TGFBR1: variants seen among roughly 807,000 people sequenced by gnomAD.
TGFBR1 encodes the protein TGF-beta receptor type-1.
In TGFBR1, 20 loss-of-function variants were observed where a neutral mutation model predicts 55.1. That is an observed-to-expected ratio of 0.36 (90% confidence interval 0.26 to 0.53). The LOEUF (loss-of-function observed/expected upper bound fraction) is 0.53. Among genes scored for constraint, TGFBR1 ranks in the 20% least tolerant of loss-of-function variants. TGFBR1 has a pLI of 0.91. For missense variants in TGFBR1, 385 were observed against 617.6 expected, an observed-to-expected ratio of 0.62 and a Z score of 3.99; for synonymous variants, 220 against 214.8, an observed-to-expected ratio of 1.02 and a Z score of -0.21.
chr9:99,119,819 G>T (rs758777670), intron 1 of TGFBR1, among the ~76,000 whole-genome samples: 17 of 152,178 alleles, frequency 1.1e-4, no homozygotes, highest in Non-Finnish European at 2.2e-4. Context: ...GAATATTTAT[G>T]AAGGAGAAAG....
intron 1 of TGFBR1, among the ~76,000 whole-genome samples, chr9:99,127,383 G>A (rs768719422): frequency 2.6e-5 from 4 of 152,082 alleles, no homozygotes; most frequent in African/African-American, 9.7e-5. Context: ...TCTCCTACCC[G>A]GCCCCCCAGC....
chr9:99,129,195 T>C, intron 2 of TGFBR1, 95 bp downstream of exon 2: 4 of 1,382,296 alleles, frequency 2.9e-6, no homozygotes, highest in Non-Finnish European at 4.0e-6. Flanking sequence ...AATTGTCTAA[T>C]CCAGCTCATT....
chr9:99,116,700 T>C (rs1453749279), intron 1 of TGFBR1, among the ~76,000 whole-genome samples: 1 of 152,210 alleles, frequency 6.6e-6, no homozygotes, highest in Non-Finnish European at 1.5e-5. Context: ...GTAGCCATGA[T>C]GCTACTGTAT....
In TGFBR1 at chr9:99,105,173, C is replaced by A. The variant is rs1482586656; in HGVS notation, c.-33C>A. 1 of 1,085,404 alleles carries A rather than the reference C, an allele frequency of 9.2e-7. No homozygotes were observed. Among genetic ancestry groups the A allele is most frequent in the Non-Finnish European group, 1.1e-6 (1 of 894,662 alleles). 67.2% of individuals were successfully genotyped at this position (1,085,404 alleles called of 1,614,324 possible). A position where few individuals can be genotyped will look rare whatever the true frequency, so the allele number is the denominator to read the frequency against. On this transcript the variant is annotated 5_prime_UTR_variant, in exon 1 of 9. Coordinates refer to ENST00000374994, the MANE Select transcript of TGFBR1 (RefSeq NM_004612.4). The stretch of plus-strand genomic sequence containing the variant: ...GGGGTGAGGCAGCGGCGCGGCCGGG[C>A]CGGGCCGGGCCACAGGCGGTGGCGG...
chr9:99,146,465 T>C lies in TGFBR1; in HGVS notation c.1131-20T>C. 2 of 1,613,792 alleles carry C rather than the reference T, an allele frequency of 1.2e-6. No homozygotes were observed. Among genetic ancestry groups the C allele is most frequent in the East Asian group, 4.5e-5 (2 of 44,870 alleles). On this transcript the variant is annotated intron_variant, in intron 6 of 8. Coordinates refer to ENST00000374994, the MANE Select transcript of TGFBR1 (RefSeq NM_004612.4). ...AGTAAGGGGATGATTTTCAAAGTTC[T>C]TTTTGCAAATTTTTTTTAGGTACAT...
intron 2 of TGFBR1, among the ~76,000 whole-genome samples, chr9:99,130,932 T>C (rs1339842000): frequency 6.6e-6 from 1 of 152,196 alleles, no homozygotes; most frequent in African/African-American, 2.4e-5. Context: ...CATAATTTTA[T>C]AGTCAAGTTT....
At chr9:99,144,662 T>C in intron 5 of TGFBR1, 70 bp from the exon 6 acceptor site, 1 of 1,592,284 alleles carries the variant, frequency 6.3e-7, no homozygotes, top group Non-Finnish European at 8.6e-7. Context: ...AAGAGACTTT[T>C]GAACCTAAAG....
chr9:99,127,970 A>T (rs542480483), intron 1 of TGFBR1: 1 of 456,056 alleles, frequency 2.2e-6, no homozygotes, highest in South Asian at 1.5e-5. Context: ...TTACAGTTTC[A>T]TAGGAGAAAG....
intron 1 of TGFBR1, among the ~76,000 whole-genome samples, chr9:99,125,628 A>T (rs1827019248): frequency 6.6e-6 from 1 of 152,160 alleles, no homozygotes; most frequent in East Asian, 1.9e-4. Flanking sequence ...TGACCATGAA[A>T]CTTATGCTGT....
In TGFBR1 at chr9:99,105,181, G is replaced by C; in HGVS notation, c.-25G>C. The C allele has an allele frequency of 9.2e-7, 1 of 1,087,166 alleles. No homozygotes were observed. The highest frequency in any genetic ancestry group is 4.0e-4 in the Middle Eastern group (1 of 2,472). The allele number at this position is 1,087,166 out of a possible 1,614,324, so 67.3% of individuals were successfully genotyped here. ...GCAGCGGCGCGGCCGGGCCGGGCCG[G>C]GCCACAGGCGGTGGCGGCGGGACCA... On this transcript the variant is annotated 5_prime_UTR_variant, in exon 1 of 9. Transcript: ENST00000374994.
intron 3 of TGFBR1, 72 bp from the exon 4 acceptor site, chr9:99,137,787 T>C: frequency 1.6e-6 from 2 of 1,255,064 alleles, no homozygotes; most frequent in Non-Finnish European, 2.3e-6. Flanking sequence ...GGTCACTCAT[T>C]AGTGCCTATC....
chr9:99,136,027 G>A (rs1412940373), intron 3 of TGFBR1, among the ~76,000 whole-genome samples: 2 of 151,770 alleles, frequency 1.3e-5, no homozygotes, highest in Non-Finnish European at 2.9e-5. Flanking sequence ...GCTAATTTTT[G>A]TATATTTATT....
intron 8 of TGFBR1, 69 bp downstream of exon 8, chr9:99,147,853 C>G (rs1827849693): frequency 3.8e-6 from 6 of 1,584,692 alleles, no homozygotes; most frequent in Non-Finnish European, 5.2e-6. Flanking sequence ...AAGTTTGCTA[C>G]TTTTCTTTAA....
At chr9:99,132,352 C>A in intron 2 of TGFBR1, 157 bp from the exon 3 acceptor site, 1 of 1,255,936 alleles carries the variant, frequency 8.0e-7, no homozygotes, top group Non-Finnish European at 1.1e-6. Flanking sequence ...TTCACTTGTT[C>A]TGGGTTTGAG....
intron 1 of TGFBR1, among the ~76,000 whole-genome samples, chr9:99,110,664 A>T (rs1826540863): frequency 6.6e-6 from 1 of 152,250 alleles, no homozygotes; most frequent in Non-Finnish European, 1.5e-5. Flanking sequence ...ATGTAGACTA[A>T]CAGTAGTTCA....
In TGFBR1 at chr9:99,153,604, A is replaced by G. The variant is rs1828031412; in HGVS notation, c.*4299A>G. The G allele has an allele frequency of 2.1e-5, 4 of 194,512 alleles. No individual in the cohort carries two copies. In the South Asian group the frequency reaches 7.7e-4, roughly 37 times the overall value. 12.0% of individuals were successfully genotyped at this position (194,512 alleles called of 1,614,324 possible). On this transcript the variant is annotated 3_prime_UTR_variant, in exon 9 of 9. Transcript: ENST00000374994. ...GATGCTTATGTTAAGTCCTAACACT[A>G]CAGTAGAAGAATGGAAGCAGTGCAA...
At chr9:99,128,187 A>G (rs973171511) in intron 1 of TGFBR1, among the ~76,000 whole-genome samples, 12 of 152,204 alleles carry the variant, frequency 7.9e-5, no homozygotes, top group Non-Finnish European at 1.5e-4. Context: ...GCTGCCAGTC[A>G]TTTCTGTAGT....
At chr9:99,110,186 G>C (rs1326898210) in intron 1 of TGFBR1, among the ~76,000 whole-genome samples, 1 of 152,094 alleles carries the variant, frequency 6.6e-6, no homozygotes, top group Non-Finnish European at 1.5e-5. Context: ...TTATAGATCA[G>C]ATCAAGTCTT....
intron 1 of TGFBR1, among the ~76,000 whole-genome samples, chr9:99,116,132 A>G (rs2118366498): frequency 6.6e-6 from 1 of 150,504 alleles, no homozygotes; most frequent in East Asian, 2.0e-4. Flanking sequence ...CTGCTCTCAC[A>G]TTCTTTCTCC....
Sources: gnomAD v4.1 joint callset for allele counts (sites outside exome capture counted in the v4.1 genomes callset) on GRCh38, gnomAD v4.1.1 for gene constraint, MANE v1.5 for transcripts, NCBI Gene and HGNC (gene_info 2026-07-23, HGNC 2026-07-21) for gene names.